The following NUBPL variants were observed in gnomAD, a reference collection of about 807,000 sequenced individuals.
The protein encoded by NUBPL is iron-sulfur cluster transfer protein NUBPL.
NUBPL carries 31 observed loss-of-function variants against 45.7 expected under a neutral mutation model. The ratio of observed to expected loss-of-function variants is 0.68; its 90% CI spans 0.51 to 0.92. The LOEUF (loss-of-function observed/expected upper bound fraction) is 0.92, where lower values mean the gene tolerates loss of function less well. Among genes scored for constraint, NUBPL ranks in the 40% least tolerant of loss-of-function variants. NUBPL has a pLI of 0.00. For missense variants in NUBPL, 401 were observed against 398.7 expected, an observed-to-expected ratio of 1.01 and a Z score of -0.05; for synonymous variants, 144 against 140.9, an observed-to-expected ratio of 1.02 and a Z score of -0.15.
Position 31,820,824 on chromosome 14 carries a change from C to CA in NUBPL, c.608-5791dup, listed in dbSNP as rs1313607475. Reference sequence around the variant, plus strand: ...TGGGCAACAGAGCAAGACTCCGTCTCAAAAAAAAAAAAAAGGCCCAGCGCA... The same window carrying CA: ...TGGGCAACAGAGCAAGACTCCGTCTCAAAAAAAAAAAAAAAGGCCCAGCGCA... On this transcript the variant is annotated intron_variant, in intron 7 of 10. Coordinates refer to ENST00000281081, the MANE Select transcript of NUBPL (RefSeq NM_025152.3). Among the ~76,000 whole-genome samples the CA allele has an allele frequency of 7.8e-3, 701 of 89,628 alleles. 6 individuals are homozygous for CA. The highest frequency in any genetic ancestry group is 0.058 in the East Asian group (170 of 2,938). The allele number at this position is 89,628 out of a possible 152,430, so 58.8% of individuals were successfully genotyped here. A position where few individuals can be genotyped will look rare whatever the true frequency, so the allele number is the denominator to read the frequency against.
At chr14:31,643,162 A>G (rs191144592) in intron 4 of NUBPL, among the ~76,000 whole-genome samples, 41 of 152,186 alleles carry the variant, frequency 2.7e-4, no homozygotes, top group Admixed American at 2.7e-3. Context: ...CTCTTGCCTC[A>G]TTGCTCTGGC....
chr14:31,766,254 G>T (rs555582433), intron 6 of NUBPL, among the ~76,000 whole-genome samples: 1 of 152,292 alleles, frequency 6.6e-6, no homozygotes, highest in East Asian at 1.9e-4. Flanking sequence ...AACTTAGTCT[G>T]TTTTCCAACT....
At chr14:31,670,711 C>T (rs12881327) in intron 4 of NUBPL, among the ~76,000 whole-genome samples, 55,747 of 152,062 alleles carry the variant, frequency 0.37, 12,569 homozygotes, top group East Asian at 0.59. Flanking sequence ...TATCCCAGCA[C>T]CATTTATGGA....
chr14:31,674,399 A>G (rs966134623), intron 6 of NUBPL, among the ~76,000 whole-genome samples: 1 of 152,052 alleles, frequency 6.6e-6, no homozygotes, highest in Non-Finnish European at 1.5e-5. Context: ...TCTTTTTTTC[A>G]CTATAACATC....
chr14:31,654,152 T>C lies in NUBPL; in HGVS notation c.383-19203T>C, dbSNP rs989387560. The C allele has an allele frequency of 2.2e-5, 10 of 452,768 alleles. 1 individual carries two copies. Among genetic ancestry groups the C allele is most frequent in the South Asian group, 7.8e-5 (5 of 64,236 alleles). The allele number at this position is 452,768 out of a possible 1,614,324, so 28.0% of individuals were successfully genotyped here. On this transcript the variant is annotated intron_variant, in intron 4 of 10. Transcript: ENST00000281081. The stretch of plus-strand genomic sequence containing the variant: ...TCAATAAAGTAAGCAACATGAATTT[T>C]TTGGTTTCCCATTGCATATAAAAGT...
At chr14:31,740,508 CTTG>C (rs2038260629) in intron 6 of NUBPL, among the ~76,000 whole-genome samples, 4 of 151,954 alleles carry the variant, frequency 2.6e-5, no homozygotes, top group Admixed American at 2.0e-4. Context: ...TGTTTGTTTT[CTTG>C]TTGTTGAGTT....
intron 7 of NUBPL, among the ~76,000 whole-genome samples, chr14:31,815,821 A>G (rs1318525126): frequency 6.6e-6 from 1 of 152,112 alleles, no homozygotes; most frequent in African/African-American, 2.4e-5. Context: ...CGTTCTGTTT[A>G]TGTGATGGAT....
rs112239842 is a variant in NUBPL, at chr14:31,570,538, A to G, written c.291+5490A>G. 1.6e-4 allele frequency among the ~76,000 whole-genome samples: 24 copies of G among 152,346 alleles called. 1 individual carries two copies. Among genetic ancestry groups the G allele is most frequent in the African/African-American group, 5.3e-4 (22 of 41,582 alleles). ...CATAATTATATTTGATTCTCACAGA[A>G]ACCTGTAATGCAATCCACATAGTAT... On this transcript the variant is annotated intron_variant, in intron 3 of 10. Coordinates refer to ENST00000281081, the MANE Select transcript of NUBPL (RefSeq NM_025152.3).
intron 6 of NUBPL, among the ~76,000 whole-genome samples, chr14:31,704,186 T>G (rs2037397448): frequency 6.6e-6 from 1 of 152,056 alleles, no homozygotes. Context: ...GGTGACTCTT[T>G]GGGTGGTAAA....
intron 6 of NUBPL, among the ~76,000 whole-genome samples, chr14:31,740,430 T>C (rs532099474): frequency 6.6e-6 from 1 of 152,352 alleles, no homozygotes; most frequent in East Asian, 1.9e-4. Context: ...TTCATATGCT[T>C]ATTTGCCATC....
chr14:31,564,799 ACT>A (rs1418683397), intron 2 of NUBPL, among the ~76,000 whole-genome samples: 26 of 152,190 alleles, frequency 1.7e-4, no homozygotes, highest in African/African-American at 6.3e-4. Context: ...TTGGCAAATT[ACT>A]TTTTTACTTT....
In NUBPL at chr14:31,725,709, C is replaced by CTTTTTTTTT. The variant is rs375160082; in HGVS notation, c.513+52146_513+52154dup. Reference sequence around the variant, plus strand: ...GATTTTGGAACATTTTAGATTTCAGCTTTTTTTTTTTTTTTTTTTGACTTG... The same window carrying CTTTTTTTTT: ...GATTTTGGAACATTTTAGATTTCAGCTTTTTTTTTTTTTTTTTTTTTTTTTTTTGACTTG... On this transcript the variant is annotated intron_variant, in intron 6 of 10. Coordinates refer to ENST00000281081, the MANE Select transcript of NUBPL (RefSeq NM_025152.3). 1.7e-4 allele frequency among the ~76,000 whole-genome samples: 18 copies of CTTTTTTTTT among 104,952 alleles called. 1 individual carries two copies. The highest frequency in any genetic ancestry group is 3.0e-4 in the Non-Finnish European group (17 of 57,258). The allele number at this position is 104,952 out of a possible 152,430, so 68.9% of individuals were successfully genotyped here.
At chr14:31,804,232 G>C (rs2039643627) in intron 7 of NUBPL, among the ~76,000 whole-genome samples, 1 of 152,174 alleles carries the variant, frequency 6.6e-6, no homozygotes, top group Admixed American at 6.5e-5. Flanking sequence ...AGGCAAAATG[G>C]TACTGTCATT....
chr14:31,804,939 CTAAT>C (rs2039656728), intron 7 of NUBPL, among the ~76,000 whole-genome samples: 1 of 152,140 alleles, frequency 6.6e-6, no homozygotes, highest in African/African-American at 2.4e-5. Flanking sequence ...CAAAAGGGAT[CTAAT>C]TAAAATTAAG....
At chr14:31,836,229 A>G (rs974452945) in intron 8 of NUBPL, among the ~76,000 whole-genome samples, 2 of 152,186 alleles carry the variant, frequency 1.3e-5, no homozygotes, top group South Asian at 4.1e-4. Flanking sequence ...ATCACACGCA[A>G]AAAGGTTGTG....
intron 6 of NUBPL, among the ~76,000 whole-genome samples, chr14:31,772,284 T>C (rs527299299): frequency 6.6e-6 from 1 of 152,326 alleles, no homozygotes; most frequent in African/African-American, 2.4e-5. Flanking sequence ...GAGAAGATTT[T>C]GATAAAATTT....
intron 6 of NUBPL, among the ~76,000 whole-genome samples, chr14:31,745,800 T>TC (rs1292883076): frequency 6.6e-6 from 1 of 151,898 alleles, no homozygotes; most frequent in Non-Finnish European, 1.5e-5. Context: ...AGACTAAAAC[T>TC]CCTTGACCCT....
At chr14:31,686,500 A>G (rs6571449) in intron 6 of NUBPL, among the ~76,000 whole-genome samples, 24,401 of 152,146 alleles carry the variant, frequency 0.16, 5,585 homozygotes, top group African/African-American at 0.51. Context: ...TTTGGAAATG[A>G]GGTTATGTGA....
chr14:31,748,932 A>G (rs12100466), intron 6 of NUBPL, among the ~76,000 whole-genome samples: 12,787 of 151,894 alleles, frequency 0.084, 631 homozygotes, highest in African/African-American at 0.14. Flanking sequence ...TTTTATTTCC[A>G]TTTGCATGGA....
Sources: gnomAD v4.1 joint callset for allele counts (sites outside exome capture counted in the v4.1 genomes callset) on GRCh38, gnomAD v4.1.1 for gene constraint, MANE v1.5 for transcripts, NCBI Gene and HGNC (gene_info 2026-07-23, HGNC 2026-07-21) for gene names.